The following DNAJC24 variants were observed in gnomAD, a reference collection of about 807,000 sequenced individuals.
The protein encoded by DNAJC24 is DnaJ heat shock protein family (Hsp40) member C24.
In DNAJC24, 17 loss-of-function variants were observed where a neutral mutation model predicts 18.0. The observed-to-expected ratio is 0.94, with a 90% CI of 0.65 to 1.42. DNAJC24 has a LOEUF of 1.42. DNAJC24 is among the 40% of genes most tolerant of loss of function. The pLI, the probability that DNAJC24 is intolerant of heterozygous loss-of-function variation, is 0.00. For missense variants in DNAJC24, 158 were observed against 175.6 expected, an observed-to-expected ratio of 0.90 and a Z score of 0.57; for synonymous variants, 55 against 57.7, an observed-to-expected ratio of 0.95 and a Z score of 0.21.
rs1952921367 is a variant in DNAJC24, at chr11:31,431,316, G to A, written c.*915G>A. On this transcript the variant is annotated 3_prime_UTR_variant, in exon 5 of 5. Coordinates refer to ENST00000465995, the MANE Select transcript of DNAJC24 (RefSeq NM_181706.5). Reference sequence around the variant, plus strand: ...ATTACAGGTTTGAGCCACCGTGCCTGGCCTAAGTTTTGTTAATAGAGATGG... The same window carrying A: ...ATTACAGGTTTGAGCCACCGTGCCTAGCCTAAGTTTTGTTAATAGAGATGG... The A allele has an allele frequency of 6.6e-6, 1 of 151,510 alleles. No homozygotes were observed. Among genetic ancestry groups the A allele is most frequent in the Non-Finnish European group, 1.5e-5 (1 of 67,946 alleles). The allele number at this position is 151,510 out of a possible 1,614,324, so 9.4% of individuals were successfully genotyped here. A position where few individuals can be genotyped will look rare whatever the true frequency, so the allele number is the denominator to read the frequency against.
rs79541098 is a variant in DNAJC24, at chr11:31,409,610, C to A, written c.112-5201C>A. On this transcript the variant is annotated intron_variant, in intron 2 of 4. Coordinates refer to ENST00000465995, the MANE Select transcript of DNAJC24 (RefSeq NM_181706.5). ...TTTTTAATTGTTGAGGAATATTTCT[C>A]TTCTATGGATTTAAATAAAATGTAT... Among the ~76,000 whole-genome samples the A allele has an allele frequency of 1.1e-4, 16 of 152,176 alleles. No individual in the cohort carries two copies. The East Asian group carries it at 3.1e-3, about 29-fold the overall frequency.
intron 2 of DNAJC24, among the ~76,000 whole-genome samples, chr11:31,400,740 A>C (rs759411128): frequency 1.1e-4 from 17 of 152,374 alleles, no homozygotes; most frequent in Non-Finnish European, 2.1e-4. Flanking sequence ...AGATGGATTA[A>C]AGCCTTAAAT....
intron 2 of DNAJC24, among the ~76,000 whole-genome samples, chr11:31,399,121 ACTGCACAAG>A (rs946999151): frequency 3.3e-5 from 5 of 152,184 alleles, no homozygotes; most frequent in Non-Finnish European, 7.3e-5. Flanking sequence ...TATGTAACCC[ACTGCACAAG>A]ATTTAAAATT....
chr11:31,395,190 T>C (rs931440255), intron 2 of DNAJC24, among the ~76,000 whole-genome samples: 2 of 152,238 alleles, frequency 1.3e-5, no homozygotes, highest in African/African-American at 4.8e-5. Flanking sequence ...TCTCCATTCA[T>C]GTTGCTGGAA....
chr11:31,385,303 A>C (rs1392156648), intron 2 of DNAJC24, among the ~76,000 whole-genome samples: 1 of 152,184 alleles, frequency 6.6e-6, no homozygotes, highest in Non-Finnish European at 1.5e-5. Context: ...TAGATTTTAG[A>C]ATCTACCCTT....
chr11:31,407,694 AAAAAAAAAAAAAAT>A (rs1479515768), intron 2 of DNAJC24, among the ~76,000 whole-genome samples: 2 of 117,432 alleles, frequency 1.7e-5, no homozygotes, highest in East Asian at 2.1e-4. Flanking sequence ...CAAAAAAAAA[AAAAAAAAAAAAAAT>A]ATATATATAT....
At chr11:31,424,270 G>A (rs941886896) in intron 3 of DNAJC24, among the ~76,000 whole-genome samples, 23 of 152,056 alleles carry the variant, frequency 1.5e-4, no homozygotes, top group African/African-American at 4.1e-4. Context: ...TTCTTAAAAT[G>A]TCTATAAGAT....
chr11:31,389,976 A>G (rs1423087139), intron 2 of DNAJC24, among the ~76,000 whole-genome samples: 1 of 152,238 alleles, frequency 6.6e-6, no homozygotes, highest in East Asian at 1.9e-4. Context: ...AAAAGGAAAC[A>G]CAACATACCA....
At chr11:31,408,996 C>G (rs1207896903) in intron 2 of DNAJC24, among the ~76,000 whole-genome samples, 1 of 152,154 alleles carries the variant, frequency 6.6e-6, no homozygotes, top group Non-Finnish European at 1.5e-5. Context: ...TGGCTTTCTA[C>G]TCAACAATGC....
At chr11:31,370,679 C>A in intron 1 of DNAJC24, 37 bp from the exon 2 acceptor site, 3 of 1,060,370 alleles carry the variant, frequency 2.8e-6, no homozygotes, top group South Asian at 1.6e-5. Flanking sequence ...AGATACATGG[C>A]AAACTGTGAT....
At chr11:31,423,459 C>G (rs1952829001) in intron 3 of DNAJC24, among the ~76,000 whole-genome samples, 1 of 152,102 alleles carries the variant, frequency 6.6e-6, no homozygotes, top group Non-Finnish European at 1.5e-5. Context: ...TGGGGTTTCA[C>G]CATATTGGTC....
Position 31,414,913 on chromosome 11 carries a change from G to T in DNAJC24, c.214G>T (p.Glu72Ter), listed in dbSNP as rs368900665. 37 of 1,613,886 alleles carry T rather than the reference G, an allele frequency of 2.3e-5. No individual in the cohort carries two copies. Among genetic ancestry groups the T allele is most frequent in the Admixed American group, 3.3e-5 (2 of 59,990 alleles). ...IDQAWKILGN[E>*]ETKREYDLQR... ...TCAAGCATGGAAAATTCTAGGAAAT[G>T]AAGAGACAAAAAGAGAGTATGACCT... The change falls in exon 3 of 5, where the codon GAA becomes TAA. Residue 72 changes from glutamate (E) to a stop codon, truncating the protein, a stop_gained. Transcript: ENST00000465995. LOFTEE classifies it high-confidence loss of function.
chr11:31,432,473 TAATC>T lies in DNAJC24; in HGVS notation c.*2075_*2078del. 6.6e-7 allele frequency: 1 copy of T among 1,520,596 alleles called. No homozygotes were observed. The highest frequency in any genetic ancestry group is 9.1e-7 in the Non-Finnish European group (1 of 1,096,514). The allele number at this position is 1,520,596 out of a possible 1,614,324, so 94.2% of individuals were successfully genotyped here. A position where few individuals can be genotyped will look rare whatever the true frequency, so the allele number is the denominator to read the frequency against. ...ATAAATTCACATGAAAAGGAGACAA[TAATC>T]AAGTCAAAAGAATAAATGCTTACTA... On this transcript the variant is annotated 3_prime_UTR_variant, in exon 5 of 5. Transcript: ENST00000465995.
chr11:31,405,013 C>T (rs886505266), intron 2 of DNAJC24, among the ~76,000 whole-genome samples: 1 of 151,320 alleles, frequency 6.6e-6, no homozygotes, highest in Non-Finnish European at 1.5e-5. Flanking sequence ...AACATTAAAA[C>T]TGTTTTCTTT....
intron 2 of DNAJC24, among the ~76,000 whole-genome samples, chr11:31,390,099 C>A (rs889138073): frequency 1.3e-5 from 2 of 151,978 alleles, no homozygotes; most frequent in African/African-American, 4.8e-5. Context: ...GTAACGAGAT[C>A]GAAGATGTAA....
At chr11:31,430,226 A>G (rs1483885859) in intron 4 of DNAJC24, 45 bp from the exon 5 acceptor site, 5 of 1,550,710 alleles carry the variant, frequency 3.2e-6, no homozygotes, top group Admixed American at 3.5e-5. Flanking sequence ...TTAGTGAGGT[A>G]GTTACTTACA....
intron 2 of DNAJC24, among the ~76,000 whole-genome samples, chr11:31,377,943 T>TA (rs1292413605): frequency 1.3e-5 from 2 of 152,148 alleles, no homozygotes; most frequent in Non-Finnish European, 2.9e-5. Flanking sequence ...ACTTAATACT[T>TA]ACGTGGGCAT....
intron 2 of DNAJC24, among the ~76,000 whole-genome samples, chr11:31,389,246 C>T (rs1952462833): frequency 6.6e-6 from 1 of 152,144 alleles, no homozygotes; most frequent in Non-Finnish European, 1.5e-5. Context: ...ACCCAACCAT[C>T]TGTTGCCTAC....
chr11:31,420,085 C>G (rs890463707), intron 3 of DNAJC24, among the ~76,000 whole-genome samples: 1 of 152,118 alleles, frequency 6.6e-6, no homozygotes, highest in Middle Eastern at 3.4e-3. Context: ...TAACACCTAC[C>G]CATTCACCTG....
Sources: allele counts gnomAD v4.1 joint callset (sites outside exome capture counted in the v4.1 genomes callset), GRCh38; gene constraint gnomAD v4.1.1; transcripts MANE v1.5; gene names NCBI Gene and HGNC (gene_info 2026-07-23, HGNC 2026-07-21).